Variants in CLYBL observed in about 807,000 individuals in gnomAD.
CLYBL encodes the protein citramalyl-CoA lyase, mitochondrial.
A neutral mutation model predicts 38.9 loss-of-function variants in CLYBL; 31 were observed. The ratio of observed to expected loss-of-function variants is 0.80; its 90% CI spans 0.60 to 1.08. The LOEUF (loss-of-function observed/expected upper bound fraction) is 1.08. Ranked by LOEUF, CLYBL falls within the 50% of genes least tolerant of loss-of-function variation. The probability of loss-of-function intolerance (pLI) is 0.00; values close to 1 mark genes in which losing one functional copy is unlikely to be tolerated. For synonymous variants in CLYBL, 171 were observed against 158.6 expected (o/e 1.08, Z -0.59); for missense variants, 434 against 411.6 (o/e 1.05, Z -0.47).
At chr13:99,760,349 A>G (rs1047384501) in intron 1 of CLYBL, among the ~76,000 whole-genome samples, 1 of 152,200 alleles carries the variant, frequency 6.6e-6, no homozygotes, top group Non-Finnish European at 1.5e-5. Flanking sequence ...ATAATTGCCT[A>G]TGCATTTACC....
At chr13:99,652,269 G>GTGTTTT (rs2047266017) in intron 1 of CLYBL, among the ~76,000 whole-genome samples, 1 of 152,202 alleles carries the variant, frequency 6.6e-6, no homozygotes, top group African/African-American at 2.4e-5. Context: ...AAGTTCCTCA[G>GTGTTTT]GGGGTGAAGT....
intron 1 of CLYBL, among the ~76,000 whole-genome samples, chr13:99,665,940 T>C (rs2047475396): frequency 6.6e-6 from 1 of 152,192 alleles, no homozygotes; most frequent in Non-Finnish European, 1.5e-5. Context: ...CCCTACTGTT[T>C]TTTAAAAATA....
intron 1 of CLYBL, among the ~76,000 whole-genome samples, chr13:99,632,201 T>C (rs2046955812): frequency 6.6e-6 from 1 of 152,152 alleles, no homozygotes; most frequent in Non-Finnish European, 1.5e-5. Context: ...AATCTGCATA[T>C]GAAATTGCAC....
At chr13:99,654,848 A>G (rs2047306359) in intron 1 of CLYBL, among the ~76,000 whole-genome samples, 1 of 152,056 alleles carries the variant, frequency 6.6e-6, no homozygotes, top group Non-Finnish European at 1.5e-5. Context: ...TACTAAAAAT[A>G]CAAAAAATTA....
chr13:99,866,301 A>G lies in CLYBL; in HGVS notation c.696A>G (p.Ile232Met). The G allele has an allele frequency of 6.2e-7, 1 of 1,614,104 alleles. No individual in the cohort carries two copies. Among genetic ancestry groups the G allele is most frequent in the Non-Finnish European group, 8.5e-7 (1 of 1,180,012 alleles). Residue 232 changes from isoleucine (I) to methionine (M), a missense_variant, in exon 6 of 9, where the codon ATA becomes ATG. By Grantham distance (10) the Ile-to-Met change is conservative. Transcript: ENST00000339105. ...ILYARQKIVV[I>M]AKAFGLQAID... is the part of the protein sequence containing the mutation. The stretch of plus-strand genomic sequence containing the variant: ...ACGCCCGGCAAAAGATTGTTGTCAT[A>G]GCGAAAGCCTTTGGTCTCCAAGCCA...
intron 2 of CLYBL, among the ~76,000 whole-genome samples, chr13:99,793,532 T>G (rs2049961308): frequency 6.6e-6 from 1 of 152,198 alleles, no homozygotes; most frequent in South Asian, 2.1e-4. Context: ...TATTAATCTC[T>G]TCATACCCTT....
chr13:99,771,998 C>CT (rs1199768128), intron 1 of CLYBL, among the ~76,000 whole-genome samples: 1 of 152,222 alleles, frequency 6.6e-6, no homozygotes, highest in East Asian at 1.9e-4. Flanking sequence ...CCTTCCTACT[C>CT]ACTTAAAAAG....
intron 1 of CLYBL, among the ~76,000 whole-genome samples, chr13:99,717,060 G>T (rs1272253061): frequency 6.6e-6 from 1 of 151,760 alleles, no homozygotes; most frequent in Non-Finnish European, 1.5e-5. Context: ...CAAAGAGCTG[G>T]GATTACAGGC....
intron 2 of CLYBL, among the ~76,000 whole-genome samples, chr13:99,792,690 G>T (rs1465340449): frequency 6.6e-6 from 1 of 151,964 alleles, no homozygotes; most frequent in African/African-American, 2.4e-5. Context: ...ACAACTGGAG[G>T]CTGTGCTGTA....
At chr13:99,741,640 C>A (rs1040334652) in intron 1 of CLYBL, among the ~76,000 whole-genome samples, 1 of 152,306 alleles carries the variant, frequency 6.6e-6, no homozygotes, top group East Asian at 1.9e-4. Flanking sequence ...CACTCTAGTC[C>A]GCGTTCAAGT....
chr13:99,827,888 A>G (rs1277010566), intron 2 of CLYBL, among the ~76,000 whole-genome samples: 1 of 152,224 alleles, frequency 6.6e-6, no homozygotes, highest in Non-Finnish European at 1.5e-5. Context: ...TCTCACCAGA[A>G]TAGTCAAAAA....
At chr13:99,662,422 C>A (rs941755939) in intron 1 of CLYBL, among the ~76,000 whole-genome samples, 1 of 151,576 alleles carries the variant, frequency 6.6e-6, no homozygotes, top group Non-Finnish European at 1.5e-5. Context: ...CATAGAGAAT[C>A]AGATTAGTTA....
intron 1 of CLYBL, among the ~76,000 whole-genome samples, chr13:99,638,027 A>G (rs980801811): frequency 1.4e-5 from 2 of 141,388 alleles, no homozygotes; most frequent in Admixed American, 7.6e-5. Context: ...GCAATGGCAC[A>G]ATCGCGGTTC....
At chr13:99,811,045 C>G (rs1357853147) in intron 2 of CLYBL, among the ~76,000 whole-genome samples, 4 of 152,206 alleles carry the variant, frequency 2.6e-5, no homozygotes, top group Non-Finnish European at 4.4e-5. Context: ...TCCACACACA[C>G]AGTGGACCCT....
downstream of CLYBL, among the ~76,000 whole-genome samples, chr13:99,899,328 T>C (rs1317972303): frequency 6.6e-6 from 1 of 152,230 alleles, no homozygotes; most frequent in East Asian, 1.9e-4. Flanking sequence ...TTGTTGGGTC[T>C]GCTTGGCCAT....
intron 1 of CLYBL, among the ~76,000 whole-genome samples, chr13:99,612,733 C>T (rs1026969992): frequency 4.0e-4 from 61 of 152,212 alleles, no homozygotes; most frequent in African/African-American, 1.3e-3. Context: ...ACTTTACAGC[C>T]ATGCTTGGTG....
chr13:99,908,763 C>A (rs1445952220), exon 10 of CLYBL, among the ~76,000 whole-genome samples: 2 of 152,134 alleles, frequency 1.3e-5, no homozygotes, highest in Non-Finnish European at 2.9e-5. Context: ...TTGGATTTAA[C>A]CACAGAGGCA....
rs1043774474 is a variant in CLYBL, at chr13:99,869,581, G to A, written c.803-1357G>A. 3.9e-5 allele frequency among the ~76,000 whole-genome samples: 6 copies of A among 152,028 alleles called. No individual in the cohort carries two copies. Among genetic ancestry groups the A allele is most frequent in the African/African-American group, 1.4e-4 (6 of 41,420 alleles). ...TATGCTGACAGAAAAGAATGAAATAGCAATGTGAGGATGTTTTAATTATGC... is the reference window on the plus strand; with the variant it reads ...TATGCTGACAGAAAAGAATGAAATAACAATGTGAGGATGTTTTAATTATGC... On this transcript the variant is annotated intron_variant, in intron 6 of 8. Transcript: ENST00000339105. This position sits in a 1 kb window ranked among gnomAD's most constrained non-coding sequence, Gnocchi z 4.3.
chr13:99,701,954 T>C (rs2048073295), intron 1 of CLYBL, among the ~76,000 whole-genome samples: 1 of 152,060 alleles, frequency 6.6e-6, no homozygotes, highest in Non-Finnish European at 1.5e-5. Flanking sequence ...TTACATACTT[T>C]ATTAACAAAG....
Sources: gnomAD v4.1 joint callset for allele counts (sites outside exome capture counted in the v4.1 genomes callset) on GRCh38, gnomAD v4.1.1 for gene constraint, Gnocchi (gnomAD v3.1) non-coding constraint, MANE v1.5 for transcripts, NCBI Gene and HGNC (gene_info 2026-07-23, HGNC 2026-07-21) for gene names.